Variants in RAP1GAP2 observed in about 807,000 individuals in gnomAD.
RAP1GAP2 encodes the protein rap1 GTPase-activating protein 2.
In RAP1GAP2, 27 loss-of-function variants were observed where a neutral mutation model predicts 95.0. The observed-to-expected ratio is 0.28, with a 90% confidence interval of 0.21 to 0.39. The LOEUF is 0.39. RAP1GAP2 is among the 10% of genes least tolerant of loss of function. The pLI, the probability that RAP1GAP2 is intolerant of heterozygous loss-of-function variation, is 1.00. For missense variants in RAP1GAP2, 771 were observed against 970.0 expected, an observed-to-expected ratio of 0.79 and a Z score of 2.72; for synonymous variants, 373 against 380.9, an observed-to-expected ratio of 0.98 and a Z score of 0.24.
At chr17:2,865,279 T>G (rs2151627968) in intron 2 of RAP1GAP2, among the ~76,000 whole-genome samples, 1 of 152,080 alleles carries the variant, frequency 6.6e-6, no homozygotes, top group East Asian at 1.9e-4. Flanking sequence ...TGTTAAGGAG[T>G]TAAGAACTCT....
chr17:2,915,317 A>G (rs2042537338), intron 3 of RAP1GAP2, among the ~76,000 whole-genome samples: 1 of 150,580 alleles, frequency 6.6e-6, no homozygotes, highest in African/African-American at 2.4e-5. Flanking sequence ...TGCAGCCTCA[A>G]CCTCCTGGGC....
At position 3,037,364 on chromosome 17, in the gene RAP1GAP2, A is replaced by ACCCCCCCCCCCCCCCC; in HGVS notation, c.*4016_*4017insCCCCCCCCCCCCCCCC. The ACCCCCCCCCCCCCCCC allele has an allele frequency of 3.4e-5, 1 of 29,686 alleles. No individual in the cohort carries two copies. Among genetic ancestry groups the ACCCCCCCCCCCCCCCC allele is most frequent in the Non-Finnish European group, 9.8e-5 (1 of 10,174 alleles). 1.8% of individuals were successfully genotyped at this position (29,686 alleles called of 1,614,324 possible). On this transcript the variant is annotated 3_prime_UTR_variant, in exon 25 of 25. Transcript: ENST00000254695. ...ACATTTCTGCTTGGAAGTGTGAACT[A>ACCCCCCCCCCCCCCCC]CCCCCCCCCCCCCGCTTCCTGCTCC...
chr17:2,993,718 A>G (rs2045857889), intron 12 of RAP1GAP2, among the ~76,000 whole-genome samples: 1 of 152,074 alleles, frequency 6.6e-6, no homozygotes, highest in African/African-American at 2.4e-5. Flanking sequence ...CTATCATTAT[A>G]AGACACATCC....
intron 2 of RAP1GAP2, among the ~76,000 whole-genome samples, chr17:2,860,717 C>A (rs915216902): frequency 6.7e-6 from 1 of 149,170 alleles, no homozygotes; most frequent in Non-Finnish European, 1.5e-5. Context: ...GATTCTCCTG[C>A]CTCAGTCTCC....
upstream of RAP1GAP2, among the ~76,000 whole-genome samples, chr17:2,774,707 G>A (rs966711863): frequency 6.6e-6 from 1 of 151,752 alleles, no homozygotes; most frequent in African/African-American, 2.4e-5. Context: ...CTGACCTCAG[G>A]TGATCCACCC....
At chr17:2,947,764 C>T (rs966289546) in intron 3 of RAP1GAP2, among the ~76,000 whole-genome samples, 7 of 151,768 alleles carry the variant, frequency 4.6e-5, no homozygotes, top group Admixed American at 2.6e-4. Context: ...ACATGGGACA[C>T]ATCCCATCCC....
At chr17:2,956,911 A>G (rs1012463108) in intron 3 of RAP1GAP2, among the ~76,000 whole-genome samples, 11 of 152,074 alleles carry the variant, frequency 7.2e-5, no homozygotes, top group Non-Finnish European at 1.0e-4. Flanking sequence ...GGAGGATCAC[A>G]AGGTCAGGAG....
At position 2,770,094 on chromosome 17, in the gene RAP1GAP2, AGAAG is replaced by A. The variant is rs1372726211; in HGVS notation, c.51-234_51-231del. Among the ~76,000 whole-genome samples the A allele has an allele frequency of 1.9e-4, 28 of 148,056 alleles. No homozygotes were observed. The South Asian group carries it at 2.3e-3, about 12-fold the overall frequency. On this transcript the variant is annotated intron_variant, in intron 1 of 25. Coordinates refer to the RAP1GAP2 transcript ENST00000637138. ...TCTCAAAACAAAAAAAAAAAAAAAAAGAAGAAGAAAGGAAAGCTTTTCCATTTAT... is the reference window on the plus strand; with the variant it reads ...TCTCAAAACAAAAAAAAAAAAAAAAAAAGAAAGGAAAGCTTTTCCATTTAT...
chr17:2,872,349 C>G (rs1398321499), intron 2 of RAP1GAP2, among the ~76,000 whole-genome samples: 1 of 151,856 alleles, frequency 6.6e-6, no homozygotes, highest in African/African-American at 2.4e-5. Flanking sequence ...GGTGTCCATG[C>G]TCTGATGGAC....
upstream of RAP1GAP2, among the ~76,000 whole-genome samples, chr17:2,794,285 C>T (rs1014194450): frequency 6.6e-6 from 1 of 152,102 alleles, no homozygotes; most frequent in Non-Finnish European, 1.5e-5. Context: ...AACCAGTCCC[C>T]TTGGCTGGCC....
intron 3 of RAP1GAP2, among the ~76,000 whole-genome samples, chr17:2,924,359 G>T (rs2042887348): frequency 6.6e-6 from 1 of 152,176 alleles, no homozygotes; most frequent in Non-Finnish European, 1.5e-5. Flanking sequence ...AGCGAATAGG[G>T]TTTGTTAGCA....
intron 9 of RAP1GAP2, 34 bp downstream of exon 9, chr17:2,980,399 C>G: frequency 6.3e-7 from 1 of 1,597,760 alleles, no homozygotes; most frequent in Non-Finnish European, 8.6e-7. Context: ...TGGTGGCTTC[C>G]TCTCTCAGCC....
chr17:2,963,780 C>T lies in RAP1GAP2; in HGVS notation c.280-76C>T. Reference sequence around the variant, plus strand: ...CCAGGCCCCACTCCTGGGAGCAGCGCAGAGGGGACACCGCCACCGGCCCCC... The same window carrying T: ...CCAGGCCCCACTCCTGGGAGCAGCGTAGAGGGGACACCGCCACCGGCCCCC... On this transcript the variant is annotated intron_variant, in intron 6 of 24. Transcript: ENST00000254695. This position sits in a 1 kb window ranked among gnomAD's most constrained non-coding sequence, Gnocchi z 4.8. The T allele has an allele frequency of 7.7e-7, 1 of 1,302,544 alleles. No homozygotes were observed. The highest frequency in any genetic ancestry group is 1.1e-6 in the Non-Finnish European group (1 of 946,092). The allele number at this position is 1,302,544 out of a possible 1,614,324, so 80.7% of individuals were successfully genotyped here.
At chr17:2,992,468 G>A (rs2045796994) in intron 12 of RAP1GAP2, among the ~76,000 whole-genome samples, 1 of 152,100 alleles carries the variant, frequency 6.6e-6, no homozygotes, top group Non-Finnish European at 1.5e-5. Context: ...CTCAGTCTAT[G>A]CTTTTTTAAG....
chr17:2,999,661 A>G (rs577538127), intron 14 of RAP1GAP2, among the ~76,000 whole-genome samples: 1 of 152,320 alleles, frequency 6.6e-6, no homozygotes, highest in African/African-American at 2.4e-5. Context: ...AGAAAATAAA[A>G]AGAGGCTGGG....
chr17:2,956,529 C>T (rs1428073747), intron 3 of RAP1GAP2, among the ~76,000 whole-genome samples: 3 of 152,172 alleles, frequency 2.0e-5, no homozygotes, highest in Non-Finnish European at 4.4e-5. Flanking sequence ...GAAGAAGAAC[C>T]GAGGACACTG....
At chr17:2,878,932 G>C (rs1010500983) in intron 2 of RAP1GAP2, among the ~76,000 whole-genome samples, 1 of 152,176 alleles carries the variant, frequency 6.6e-6, no homozygotes, top group Non-Finnish European at 1.5e-5. Context: ...TTCCCGTGAC[G>C]GTTGTGACGA....
intron 1 of RAP1GAP2, among the ~76,000 whole-genome samples, chr17:2,781,935 G>GGCAGGTCTCTGTGTGT (rs2068671045): frequency 7.2e-6 from 1 of 139,674 alleles, no homozygotes; most frequent in South Asian, 2.4e-4. Flanking sequence ...TCTCTGTGTG[G>GGCAGGTCTCTGTGTGT]GCAGGTCTCT....
chr17:2,944,860 G>A (rs1444140926), intron 3 of RAP1GAP2, among the ~76,000 whole-genome samples: 1 of 152,020 alleles, frequency 6.6e-6, no homozygotes, highest in African/African-American at 2.4e-5. Flanking sequence ...TTGTTCCTAG[G>A]TATTTTATTC....
Sources: gnomAD v4.1 joint callset for allele counts (sites outside exome capture counted in the v4.1 genomes callset) on GRCh38, gnomAD v4.1.1 for gene constraint, Gnocchi (gnomAD v3.1) non-coding constraint, MANE v1.5 for transcripts, NCBI Gene and HGNC (gene_info 2026-07-23, HGNC 2026-07-21) for gene names.